The following RABL3 variants were observed in gnomAD, a reference collection of about 807,000 sequenced individuals.
The protein encoded by RABL3 is RAB, member of RAS oncogene family like 3.
RABL3 carries 31 observed loss-of-function variants against 31.8 expected under a neutral mutation model. That is an observed-to-expected ratio of 0.97 (90% CI 0.73 to 1.31). The LOEUF (loss-of-function observed/expected upper bound fraction) is 1.31. Among genes scored for constraint, RABL3 ranks in the 40% most tolerant of loss-of-function variants. The pLI, the probability that RABL3 is intolerant of heterozygous loss-of-function variation, is 0.00. For missense variants in RABL3, 263 were observed against 279.6 expected, an observed-to-expected ratio of 0.94 and a Z score of 0.42; for synonymous variants, 97 against 99.9, an observed-to-expected ratio of 0.97 and a Z score of 0.18.
chr3:120,691,011 G>A (rs1212159998), intron 6 of RABL3, among the ~76,000 whole-genome samples: 1 of 152,026 alleles, frequency 6.6e-6, no homozygotes, highest in Non-Finnish European at 1.5e-5. Flanking sequence ...AATGACTGTT[G>A]TAAATTGTCT....
intron 2 of RABL3, among the ~76,000 whole-genome samples, chr3:120,725,455 C>A (rs540640760): frequency 1.3e-5 from 2 of 152,200 alleles, no homozygotes; most frequent in East Asian, 3.9e-4. Context: ...GCGTATATAC[C>A]CAAAGGATTA....
chr3:120,713,472 C>A (rs910174775), intron 2 of RABL3, among the ~76,000 whole-genome samples: 1 of 152,210 alleles, frequency 6.6e-6, no homozygotes, highest in African/African-American at 2.4e-5. Context: ...GCTCTTGACA[C>A]AGTAAGTAGT....
chr3:120,717,554 C>T (rs1220902122), intron 2 of RABL3, among the ~76,000 whole-genome samples: 10 of 152,104 alleles, frequency 6.6e-5, no homozygotes, highest in African/African-American at 2.2e-4. Flanking sequence ...CTGCAACCTC[C>T]GCATCCCGGG....
intron 2 of RABL3, among the ~76,000 whole-genome samples, chr3:120,727,280 A>G (rs1708833664): frequency 6.6e-6 from 1 of 152,190 alleles, no homozygotes; most frequent in Admixed American, 6.5e-5. Context: ...GAAAAGCCAC[A>G]AATCATTCTA....
chr3:120,709,947 C>A, intron 2 of RABL3, 38 bp from the exon 3 acceptor site: 1 of 1,477,848 alleles, frequency 6.8e-7, no homozygotes, highest in South Asian at 1.2e-5. Flanking sequence ...AATATAGCCA[C>A]TAAACAAACT....
intron 2 of RABL3, among the ~76,000 whole-genome samples, chr3:120,718,557 C>G (rs991524737): frequency 4.6e-5 from 7 of 152,206 alleles, no homozygotes; most frequent in Non-Finnish European, 7.3e-5. Flanking sequence ...GCATTATTCA[C>G]CTATAAGAGA....
intron 2 of RABL3, chr3:120,710,461 AAACT>A (rs984246119): frequency 6.6e-6 from 1 of 152,200 alleles, no homozygotes; most frequent in African/African-American, 2.4e-5. Context: ...TCCTCAGTTA[AAACT>A]AACTTTGCTT....
chr3:120,736,466 C>T (rs138544126), intron 1 of RABL3, among the ~76,000 whole-genome samples: 21 of 152,288 alleles, frequency 1.4e-4, no homozygotes, highest in African/African-American at 4.1e-4. Context: ...CTCCTGAATA[C>T]AGCACACTGA....
At chr3:120,728,461 T>G (rs1035241928) in intron 2 of RABL3, among the ~76,000 whole-genome samples, 1 of 152,168 alleles carries the variant, frequency 6.6e-6, no homozygotes, top group African/African-American at 2.4e-5. Flanking sequence ...TTTCACAGAA[T>G]CGGAGCTAGA....
intron 2 of RABL3, among the ~76,000 whole-genome samples, chr3:120,721,850 T>G (rs1346577199): frequency 6.6e-6 from 1 of 152,124 alleles, no homozygotes; most frequent in African/African-American, 2.4e-5. Context: ...TACAGAACTC[T>G]CCATCCCAAG....
intron 2 of RABL3, among the ~76,000 whole-genome samples, chr3:120,725,172 T>C (rs534677388): frequency 3.3e-5 from 5 of 152,302 alleles, no homozygotes; most frequent in Admixed American, 2.0e-4. Flanking sequence ...AAGACATTTA[T>C]GCAGCCAAAA....
At chr3:120,704,401 A>G (rs1469897343) in intron 4 of RABL3, among the ~76,000 whole-genome samples, 1 of 152,224 alleles carries the variant, frequency 6.6e-6, no homozygotes, top group Non-Finnish European at 1.5e-5. Context: ...TCAGCAAATT[A>G]GGGATAGAAA....
chr3:120,730,754 C>A lies in RABL3; in HGVS notation c.80G>T (p.Cys27Phe), dbSNP rs1353994716. The change falls in exon 2 of 8, where the codon TGC becomes TTC. Residue 27 changes from cysteine to phenylalanine, a missense_variant. Transcript: ENST00000273375. ...VGKSSLVHLL[C>F]QNQVLGNPSW... ...TGGATTTCCCAGCACTTGATTTTGG[C>A]ATAGGAGATGGACTAACGAAGATTT... The A allele has an allele frequency of 1.9e-6, 3 of 1,613,804 alleles. No homozygotes were observed. Among genetic ancestry groups the A allele is most frequent in the Non-Finnish European group, 2.5e-6 (3 of 1,179,808 alleles).
intron 2 of RABL3, among the ~76,000 whole-genome samples, chr3:120,728,362 T>A (rs574754756): frequency 6.6e-6 from 1 of 152,300 alleles, no homozygotes; most frequent in South Asian, 2.1e-4. Flanking sequence ...GTAAACTGAT[T>A]AGTCTAAGGT....
chr3:120,724,676 T>C (rs1012293206), intron 2 of RABL3, among the ~76,000 whole-genome samples: 2 of 152,032 alleles, frequency 1.3e-5, no homozygotes, highest in Admixed American at 6.6e-5. Context: ...CTTTGACAAA[T>C]CTGACAAAAA....
At chr3:120,737,232 C>G (rs1005702558) in intron 1 of RABL3, among the ~76,000 whole-genome samples, 3 of 152,162 alleles carry the variant, frequency 2.0e-5, no homozygotes, top group Non-Finnish European at 4.4e-5. Context: ...TCTTTTTACT[C>G]TTTTTTCTCT....
chr3:120,710,084 G>C (rs1229495941), intron 2 of RABL3, among the ~76,000 whole-genome samples, 175 bp from the exon 3 acceptor site: 1 of 151,976 alleles, frequency 6.6e-6, no homozygotes, highest in East Asian at 1.9e-4. Flanking sequence ...GGACCTTATA[G>C]TTAATTAATC....
intron 2 of RABL3, among the ~76,000 whole-genome samples, chr3:120,724,315 G>A (rs139458050): frequency 0.018 from 2,814 of 152,268 alleles, 101 homozygotes; most frequent in African/African-American, 0.063. Context: ...CAAACAAATG[G>A]AAGAACATTC....
At chr3:120,702,567 T>C (rs1708504576) in intron 4 of RABL3, among the ~76,000 whole-genome samples, 1 of 151,688 alleles carries the variant, frequency 6.6e-6, no homozygotes. Flanking sequence ...TTTCTTTTTT[T>C]TTTTTTTTGA....
Sources: allele counts gnomAD v4.1 joint callset (sites outside exome capture counted in the v4.1 genomes callset), GRCh38; gene constraint gnomAD v4.1.1; transcripts MANE v1.5; gene names NCBI Gene and HGNC (gene_info 2026-07-23, HGNC 2026-07-21).